The following CCDC51 variants were observed in gnomAD, a reference collection of about 807,000 sequenced individuals.
CCDC51 encodes the protein mitochondrial potassium channel.
In CCDC51, 25 loss-of-function variants were observed where a neutral mutation model predicts 24.8. The observed-to-expected ratio is 1.01, with a 90% confidence interval of 0.73 to 1.41. CCDC51 has a LOEUF of 1.41. CCDC51 is among the 40% of genes most tolerant of loss of function. The probability of loss-of-function intolerance (pLI) is 0.00; values close to 1 mark genes in which losing one functional copy is unlikely to be tolerated. For missense variants in CCDC51, 466 were observed against 519.1 expected (o/e 0.90, Z 0.99); for synonymous variants, 190 against 204.3 (o/e 0.93, Z 0.60).
upstream of CCDC51, chr3:48,440,316 A>G (rs2039524756): frequency 6.2e-7 from 1 of 1,609,902 alleles, no homozygotes; most frequent in Non-Finnish European, 8.5e-7. Context: ...CGCGAAGGTA[A>G]GTGTTCCGGA....
chr3:48,440,366 G>A (rs376741225), upstream of CCDC51: 63 of 1,611,810 alleles, frequency 3.9e-5, no homozygotes, highest in Non-Finnish European at 4.6e-5. Context: ...GGGACCGGGC[G>A]GCAGGGGCAG....
At chr3:48,441,498 T>TC (rs2039565902), upstream of CCDC51, among the ~76,000 whole-genome samples, 1 of 151,730 alleles carries the variant, frequency 6.6e-6, no homozygotes, top group Non-Finnish European at 1.5e-5. Context: ...TTTTTTTTTT[T>TC]TCGTACTGCT....
At chr3:48,439,622 G>A (rs1256820008) in intron 1 of CCDC51, among the ~76,000 whole-genome samples, 1 of 151,988 alleles carries the variant, frequency 6.6e-6, no homozygotes, top group Non-Finnish European at 1.5e-5. Flanking sequence ...ACAAGAGCAA[G>A]ACTCCATCTC....
upstream of CCDC51, chr3:48,440,183 G>A (rs1179453511): frequency 1.3e-5 from 20 of 1,496,994 alleles, no homozygotes; most frequent in African/African-American, 8.4e-5. Flanking sequence ...GGTAGCGAGA[G>A]TTCAACTTCC....
chr3:48,444,292 G>A (rs1254941339), upstream of CCDC51: 1 of 154,460 alleles, frequency 6.5e-6, no homozygotes, highest in South Asian at 2.0e-4. Context: ...TGGTGGGGGA[G>A]GGGGTGGAGT....
At position 48,432,879 on chromosome 3, in the gene CCDC51, G is replaced by A. The variant is rs2039223248; in HGVS notation, c.765C>T (p.Tyr255=). 2 of 1,614,080 alleles carry A rather than the reference G, an allele frequency of 1.2e-6. No homozygotes were observed. Among genetic ancestry groups the A allele is most frequent in the Admixed American group, 1.7e-5 (1 of 60,030 alleles). Residue 255 remains tyrosine (Y), a synonymous_variant, in exon 4 of 4, where the codon TAC becomes TAT. Transcript: ENST00000395694. ...QEAIREQASS[Y]SRQQRDLHNL... ...TGTGGAGGTCCCTCTGCTGGCGGGA[G>A]TAGCTAGACGCCTGTTCTCGAATGG...
Position 48,432,744 on chromosome 3 carries a change from T to C in CCDC51, c.900A>G (p.Ser300=). 1 of 1,614,186 alleles carries C rather than the reference T, an allele frequency of 6.2e-7. No homozygotes were observed. Among genetic ancestry groups the C allele is most frequent in the East Asian group, 2.2e-5 (1 of 44,892 alleles). The change falls in exon 4 of 4, where the codon TCA becomes TCG. Residue 300 remains serine, a synonymous_variant. Coordinates refer to ENST00000395694, the MANE Select transcript of CCDC51 (RefSeq NM_001256964.2). Reference sequence around the variant, plus strand: ...GACTAAGCTGCTCTTTCAAGGCAGCTGAAAGGACATCTACATCTCTGTCTC... The same window carrying C: ...GACTAAGCTGCTCTTTCAAGGCAGCCGAAAGGACATCTACATCTCTGTCTC... ...PTRDRDVDVL[S]AALKEQLSHS...
rs754355881 is a variant in CCDC51 at position 48,434,967 on chromosome 3, C to T, written c.162G>A (p.Leu54=). 8.7e-6 allele frequency: 14 copies of T among 1,614,126 alleles called. No individual in the cohort carries two copies. In the African/African-American group the frequency reaches 1.9e-4, roughly 22 times the overall value. Residue 54 remains leucine, a synonymous_variant, in exon 2 of 4, where the codon CTG becomes CTA. Coordinates refer to ENST00000395694, the MANE Select transcript of CCDC51 (RefSeq NM_001256964.2). The part of the protein sequence containing the change: ...PGEKRPEEVA[L]GLHHRLPALG... ...GTGCTGGGAGGCGGTGGTGCAGCCC[C>T]AGGGCCACCTCCTCAGGTCTTTTCT... is the stretch of plus-strand genomic sequence containing the variant.
At chr3:48,443,241 CAAAAAAAAAAAA>C (rs3082576), upstream of CCDC51, among the ~76,000 whole-genome samples, 7 of 70,538 alleles carry the variant, frequency 9.9e-5, no homozygotes, top group South Asian at 1.1e-3. Context: ...ACTCCATCTC[CAAAAAAAAAAAA>C]AAAAAAAAAA....
At chr3:48,443,241 CAAAAAAAA>C (rs3082576), upstream of CCDC51, among the ~76,000 whole-genome samples, 27 of 70,536 alleles carry the variant, frequency 3.8e-4, no homozygotes, top group Admixed American at 1.0e-3. Flanking sequence ...ACTCCATCTC[CAAAAAAAA>C]AAAAAAAAAA....
rs1489776544 is a variant in CCDC51, at chr3:48,435,145, G to A, written c.-8-9C>T. 1.3e-6 allele frequency: 2 copies of A among 1,553,774 alleles called. No individual in the cohort carries two copies. Among genetic ancestry groups the A allele is most frequent in the Admixed American group, 1.9e-5 (1 of 51,914 alleles). ...CCCCATCATCCTGAGATCTGTGAGG[G>A]GGACGCCAGACAGGTCAGCTCACAG... On this transcript the variant is annotated splice_polypyrimidine_tract_variant and intron_variant, in intron 1 of 3. Transcript: ENST00000395694. This position sits in a 1 kb window ranked among gnomAD's most constrained non-coding sequence, Gnocchi z 4.2.
Position 48,432,324 on chromosome 3 carries a change from A to C in CCDC51, c.*84T>G. ...CAGATTGAGGTTGTACATGCCCCCAAAGGCTCGCTTCATTGCTACGATTCT... is the reference window on the plus strand; with the variant it reads ...CAGATTGAGGTTGTACATGCCCCCACAGGCTCGCTTCATTGCTACGATTCT... On this transcript the variant is annotated 3_prime_UTR_variant, in exon 4 of 4. Transcript: ENST00000395694. 6.5e-7 allele frequency: 1 copy of C among 1,535,430 alleles called. No homozygotes were observed. Among genetic ancestry groups the C allele is most frequent in the Admixed American group, 1.8e-5 (1 of 56,912 alleles).
upstream of CCDC51, chr3:48,444,159 C>G: frequency 3.2e-6 from 1 of 309,362 alleles, no homozygotes; most frequent in Non-Finnish European, 5.9e-6. Flanking sequence ...GGTCCTTGTT[C>G]TACCCTAAAC....
intron 1 of CCDC51, among the ~76,000 whole-genome samples, chr3:48,439,334 TA>T (rs1181703152): frequency 2.0e-5 from 3 of 152,182 alleles, no homozygotes; most frequent in Non-Finnish European, 4.4e-5. Context: ...CACTGTTATT[TA>T]AAAAAATAAC....
In CCDC51 at chr3:48,439,410, G is replaced by A. The variant is rs902711677; in HGVS notation, c.-9+578C>T. ...ACACTTTGGGAGGCTGAGGCGGGGG[G>A]ATCACGAGGTCAGGAGTTCGAGACC... On this transcript the variant is annotated intron_variant, in intron 1 of 3. Transcript: ENST00000395694. Among the ~76,000 whole-genome samples, 4 of 152,242 alleles carry A rather than the reference G, an allele frequency of 2.6e-5. No homozygotes were observed. The East Asian group carries it at 7.7e-4, about 29-fold the overall frequency.
chr3:48,443,770 A>G (rs2039619733), upstream of CCDC51: 2 of 1,229,450 alleles, frequency 1.6e-6, no homozygotes, highest in Non-Finnish European at 2.2e-6. Flanking sequence ...AGGCTTTACT[A>G]AGGTCCACAG....
Position 48,440,005 on chromosome 3 carries a change from C to G in CCDC51, c.-26G>C, listed in dbSNP as rs1051691803. On this transcript the variant is annotated 5_prime_UTR_variant, in exon 1 of 4. Coordinates refer to ENST00000395694, the MANE Select transcript of CCDC51 (RefSeq NM_001256964.2). ...CTGTCTACCTGCAGTGCTCTTCCCG[C>G]GCACGGCCACAGGCCTGGTAGGCCG... 1 of 495,000 alleles carries G rather than the reference C, an allele frequency of 2.0e-6. No homozygotes were observed. Among genetic ancestry groups the G allele is most frequent in the African/African-American group, 2.0e-5 (1 of 51,238 alleles). The allele number at this position is 495,000 out of a possible 1,614,324, so 30.7% of individuals were successfully genotyped here.
chr3:48,432,835 C>T lies in CCDC51; in HGVS notation c.809G>A (p.Arg270Lys), dbSNP rs1246801701. 6.2e-7 allele frequency: 1 copy of T among 1,613,590 alleles called. No homozygotes were observed. The highest frequency in any genetic ancestry group is 8.5e-7 in the Non-Finnish European group (1 of 1,179,724). Residue 270 changes from arginine (R) to lysine (K), a missense_variant, in exon 4 of 4, where the codon AGG (arginine) becomes AAG (lysine). Physicochemically the swap from Arg to Lys is conservative, Grantham distance 26 (BLOSUM62 2). Transcript: ENST00000395694. ...TGGCCCAGCAGCATGTACCAGGCCC[C>T]TCAGGTCCACCATGAGATTGTGGAG... ...RDLHNLMVDLRGLVHAAGPGQ... is the reference protein window; with the variant it reads ...RDLHNLMVDLKGLVHAAGPGQ...
At position 48,433,211 on chromosome 3, in the gene CCDC51, G is replaced by A. The variant is rs754977261; in HGVS notation, c.478-45C>T. 2 of 1,579,022 alleles carry A rather than the reference G, an allele frequency of 1.3e-6. No homozygotes were observed. Among genetic ancestry groups the A allele is most frequent in the South Asian group, 2.3e-5 (2 of 86,708 alleles). The stretch of plus-strand genomic sequence containing the variant: ...TTATTGGATTACATGGGCACAAGGT[G>A]GCCCTGCAGCTATAGCCACCAGCAG... On this transcript the variant is annotated intron_variant, in intron 3 of 3. Coordinates refer to ENST00000395694, the MANE Select transcript of CCDC51 (RefSeq NM_001256964.2). The surrounding 1 kb of genome is among the most constrained non-coding windows in gnomAD (Gnocchi z 4.4).
Sources: gnomAD v4.1 joint callset for allele counts (sites outside exome capture counted in the v4.1 genomes callset) on GRCh38, gnomAD v4.1.1 for gene constraint, Gnocchi (gnomAD v3.1) non-coding constraint, MANE v1.5 for transcripts, NCBI Gene and HGNC (gene_info 2026-07-23, HGNC 2026-07-21) for gene names.